Variants in C7 observed in about 807,000 individuals in gnomAD.
C7 encodes complement C7.
In C7, 83 loss-of-function variants were observed where a neutral mutation model predicts 104.8. That is an observed-to-expected ratio of 0.79 (90% confidence interval 0.66 to 0.95). The LOEUF (loss-of-function observed/expected upper bound fraction) is 0.95, where lower values mean the gene tolerates loss of function less well. Among genes scored for constraint, C7 ranks in the 40% least tolerant of loss-of-function variants. C7 has a pLI of 0.00. For synonymous variants in C7, 415 were observed against 360.6 expected (o/e 1.15, Z -1.71); for missense variants, 1,070 against 1,011.2 (o/e 1.06, Z -0.79).
In C7 at chr5:40,931,032, G is replaced by T. The variant is rs1239637470; in HGVS notation, c.63-32G>T. On this transcript the variant is annotated intron_variant, in intron 2 of 17. Coordinates refer to ENST00000313164, the MANE Select transcript of C7 (RefSeq NM_000587.4). The stretch of plus-strand genomic sequence containing the variant: ...TGTTCCCTTGCGTATCTTTCCACCT[G>T]CTTTATGATGGACAATTTGACACTG... The T allele has an allele frequency of 1.0e-5, 15 of 1,479,494 alleles. No homozygotes were observed. In the African/African-American group the frequency reaches 1.8e-4, roughly 18 times the overall value. 91.6% of individuals were successfully genotyped at this position (1,479,494 alleles called of 1,614,324 possible). A position where few individuals can be genotyped will look rare whatever the true frequency, so the allele number is the denominator to read the frequency against.
chr5:40,971,067 G>A (rs1028120153), intron 14 of C7, among the ~76,000 whole-genome samples: 1 of 152,220 alleles, frequency 6.6e-6, no homozygotes, highest in African/African-American at 2.4e-5. Flanking sequence ...TGTCTTTACA[G>A]TAGAATGATT....
chr5:40,930,032 G>A (rs1739644600), intron 2 of C7, among the ~76,000 whole-genome samples: 1 of 151,938 alleles, frequency 6.6e-6, no homozygotes, highest in Non-Finnish European at 1.5e-5. Context: ...ATTTACATAT[G>A]TTTTCACCTA....
Position 40,959,593 on chromosome 5 carries a change from G to A in C7, c.1634G>A (p.Cys545Tyr), listed in dbSNP as rs1258803105. 4 of 1,604,644 alleles carry A rather than the reference G, an allele frequency of 2.5e-6. No homozygotes were observed. The highest frequency in any genetic ancestry group is 1.7e-5 in the Admixed American group (1 of 59,022). The change falls in exon 12 of 18, where the codon TGC becomes TAC. Residue 545 changes from cysteine (C) to tyrosine (Y), a missense_variant. Cys to Tyr is a radical substitution (Grantham distance 194, BLOSUM62 -2). Transcript: ENST00000313164. The part of the protein sequence containing the change: ...CVGETTESTQ[C>Y]EDEELEHLRL... ...GGAGAAACGACAGAAAGCACACAAT[G>A]CGAAGATGAGGAGCTGGAGCACTTG...
At chr5:40,939,285 A>G in intron 6 of C7, among the ~76,000 whole-genome samples, 1 of 152,252 alleles carries the variant, frequency 6.6e-6, no homozygotes, top group East Asian at 1.9e-4. Flanking sequence ...AAATAATTGT[A>G]GCTACCAGTT....
chr5:40,936,267 C>G lies in C7; in HGVS notation c.281-71C>G, dbSNP rs984683984. On this transcript the variant is annotated intron_variant, in intron 4 of 17. Coordinates refer to ENST00000313164, the MANE Select transcript of C7 (RefSeq NM_000587.4). ...CAGTGTTACAGGTAGCAGGAAAACC[C>G]TTTTTGGTCCTGGGTAGTGTTTCTC... The G allele has an allele frequency of 1.4e-5, 21 of 1,472,992 alleles. No homozygotes were observed. The Middle Eastern group carries it at 8.7e-4, about 61-fold the overall frequency. 91.2% of individuals were successfully genotyped at this position (1,472,992 alleles called of 1,614,324 possible). A position where few individuals can be genotyped will look rare whatever the true frequency, so the allele number is the denominator to read the frequency against.
At chr5:40,952,186 T>C (rs1051883338) in intron 9 of C7, among the ~76,000 whole-genome samples, 2 of 152,248 alleles carry the variant, frequency 1.3e-5, no homozygotes, top group Non-Finnish European at 2.9e-5. Context: ...TTTTAAGTGA[T>C]GTACAAAAAT....
chr5:40,917,641 C>T (rs1739345216), intron 1 of C7, among the ~76,000 whole-genome samples: 1 of 151,862 alleles, frequency 6.6e-6, no homozygotes, highest in Admixed American at 6.6e-5. Context: ...GGCTATATAC[C>T]CTGTAGGGGA....
intron 1 of C7, among the ~76,000 whole-genome samples, chr5:40,915,310 G>A (rs1739296555): frequency 6.6e-6 from 1 of 152,164 alleles, no homozygotes. Context: ...GAGGCAGCTT[G>A]GGGAGGTGGG....
At chr5:40,911,374 C>T (rs1029617437) in intron 1 of C7, among the ~76,000 whole-genome samples, 3 of 152,160 alleles carry the variant, frequency 2.0e-5, no homozygotes, top group Non-Finnish European at 4.4e-5. Flanking sequence ...TCACAGGATT[C>T]CCTTTGGTTC....
chr5:40,946,013 C>A (rs1740040705), intron 7 of C7, among the ~76,000 whole-genome samples: 1 of 150,612 alleles, frequency 6.6e-6, no homozygotes, highest in East Asian at 1.9e-4. Flanking sequence ...TTTAAACGAT[C>A]TTAAATTTCT....
Position 40,950,022 on chromosome 5 carries a change from GA to G in C7, c.1093+13del. ...CTTTAAAAGCTGCTTCAGGTAAATG[GA>G]AAAAGAGCAGTTTGCATTGCAAGCT... On this transcript the variant is annotated intron_variant, in intron 9 of 17. Coordinates refer to ENST00000313164, the MANE Select transcript of C7 (RefSeq NM_000587.4). 6.6e-7 allele frequency: 1 copy of G among 1,520,918 alleles called. No homozygotes were observed. Among genetic ancestry groups the G allele is most frequent in the Non-Finnish European group, 9.0e-7 (1 of 1,115,520 alleles). 94.2% of individuals were successfully genotyped at this position (1,520,918 alleles called of 1,614,324 possible).
rs1579875451 is a variant in C7 at position 40,972,497 on chromosome 5, T to C, written c.1977T>C (p.Cys659=). The C allele has an allele frequency of 6.2e-7, 1 of 1,613,910 alleles. No homozygotes were observed. Among genetic ancestry groups the C allele is most frequent in the Non-Finnish European group, 8.5e-7 (1 of 1,179,792 alleles). The change falls in exon 15 of 18, where the codon TGT becomes TGC. Residue 659 remains cysteine, a synonymous_variant. Transcript: ENST00000313164. ...TTGGTGAGAAGGTGACTGTTTCCTG[T>C]TCAGGTGGCATGTCCTTAGAAGGTC... ...YTVGEKVTVS[C]SGGMSLEGPS...
chr5:40,980,577 A>G (rs971076), intron 17 of C7, among the ~76,000 whole-genome samples: 117,910 of 152,162 alleles, frequency 0.77, 45,725 homozygotes, highest in South Asian at 0.93. Context: ...CCAAGAGCAC[A>G]GCAAACCTCC....
intron 1 of C7, among the ~76,000 whole-genome samples, chr5:40,921,967 G>C (rs543857014): frequency 6.6e-6 from 1 of 152,088 alleles, no homozygotes; most frequent in Non-Finnish European, 1.5e-5. Flanking sequence ...GAACCTGTGA[G>C]GTGGAAGTTG....
intron 3 of C7, among the ~76,000 whole-genome samples, chr5:40,934,104 A>T (rs993666437): frequency 6.6e-6 from 1 of 150,998 alleles, no homozygotes; most frequent in Non-Finnish European, 1.5e-5. Flanking sequence ...GGAGCTCTCT[A>T]TAAATAATAG....
At chr5:40,922,374 CAAAAAAAAAAAA>C (rs869109946) in intron 1 of C7, among the ~76,000 whole-genome samples, 2 of 43,072 alleles carry the variant, frequency 4.6e-5, no homozygotes, top group Non-Finnish European at 9.8e-5. Flanking sequence ...GACTCTGTCT[CAAAAAAAAAAAA>C]AAAAAAAAAA....
rs569315464 is a variant in C7 at position 40,957,548 on chromosome 5, C to T, written c.1261-485C>T. On this transcript the variant is annotated intron_variant, in intron 10 of 17. Transcript: ENST00000313164. ...TTGGCTCAGCGCAACCTCCACCTCC[C>T]AGGTTCAAGTGATTCTCCTGCCTCA... is the stretch of plus-strand genomic sequence containing the variant. Among the ~76,000 whole-genome samples, 14 of 152,044 alleles carry T rather than the reference C, an allele frequency of 9.2e-5. No individual in the cohort carries two copies. In the East Asian group the frequency reaches 1.4e-3, roughly 15 times the overall value.
intron 8 of C7, among the ~76,000 whole-genome samples, chr5:40,949,310 T>C (rs1475068458): frequency 6.6e-6 from 1 of 151,290 alleles, no homozygotes; most frequent in East Asian, 1.9e-4. Flanking sequence ...TGAGAAAATA[T>C]ATTTGCACAT....
intron 15 of C7, among the ~76,000 whole-genome samples, chr5:40,974,297 G>T (rs1260458662): frequency 6.6e-6 from 1 of 151,346 alleles, no homozygotes; most frequent in Non-Finnish European, 1.5e-5. Flanking sequence ...TGGGCCTTAA[G>T]AGTGTGTTTA....
Sources: allele counts gnomAD v4.1 joint callset (sites outside exome capture counted in the v4.1 genomes callset), GRCh38; gene constraint gnomAD v4.1.1; transcripts MANE v1.5; gene names NCBI Gene and HGNC (gene_info 2026-07-23, HGNC 2026-07-21).